The following CGN variants were observed in gnomAD, a reference collection of about 807,000 sequenced individuals.
CGN encodes cingulin.
In CGN, 121 loss-of-function variants were observed where a neutral mutation model predicts 157.1. That is an observed-to-expected ratio of 0.77 (90% CI 0.66 to 0.90). The LOEUF (loss-of-function observed/expected upper bound fraction) is 0.90. Ranked by LOEUF, CGN falls within the 40% of genes least tolerant of loss-of-function variation. The pLI is 0.00. For missense variants in CGN, 1,424 were observed against 1,520.9 expected (o/e 0.94, Z 1.06); for synonymous variants, 535 against 607.5 (o/e 0.88, Z 1.76).
Position 151,515,941 on chromosome 1 carries a change from T to G in CGN, c.-14-2565T>G, listed in dbSNP as rs181633910. On this transcript the variant is annotated intron_variant, in intron 1 of 20. Coordinates refer to ENST00000271636, the MANE Select transcript of CGN (RefSeq NM_020770.3). ...CCTTTTAAGATGGGGTGATAAAAGTTTGGATGTGCTGTCTCCTCAGGGAGA... is the reference window on the plus strand; with the variant it reads ...CCTTTTAAGATGGGGTGATAAAAGTGTGGATGTGCTGTCTCCTCAGGGAGA... 8.0e-4 allele frequency among the ~76,000 whole-genome samples: 122 copies of G among 152,342 alleles called. 1 individual carries two copies. The highest frequency in any genetic ancestry group is 2.8e-3 in the African/African-American group (115 of 41,582).
chr1:151,513,951 C>T (rs956382448), intron 1 of CGN, among the ~76,000 whole-genome samples: 1 of 152,102 alleles, frequency 6.6e-6, no homozygotes, highest in Non-Finnish European at 1.5e-5. Flanking sequence ...AGGGCGCAGG[C>T]CCTGGACTCC....
In CGN at chr1:151,524,063, A is replaced by G. The variant is rs556820532; in HGVS notation, c.1269-163A>G. Among the ~76,000 whole-genome samples the G allele has an allele frequency of 5.3e-5, 8 of 152,348 alleles. No individual in the cohort carries two copies. The highest frequency in any genetic ancestry group is 3.4e-3 in the Middle Eastern group (1 of 294). ...TAAATACAACAGGGTAAGGCAGATC[A>G]GGAGGGCCAGGTTGTAGCGGGGCAG... On this transcript the variant is annotated intron_variant, in intron 6 of 20. Coordinates refer to ENST00000271636, the MANE Select transcript of CGN (RefSeq NM_020770.3). The surrounding 1 kb of genome is among the most constrained non-coding windows in gnomAD (Gnocchi z 4.4).
Position 151,535,887 on chromosome 1 carries a change from G to A in CGN, c.3186G>A (p.Gln1062=). ...ATCAGTTGTTGCAGGAGCGGCTACA[G>A]GCTGAAGAGAGGTGACATAAGCCTA... ...SQNQLLQERL[Q]AEEREKTVLQ... Residue 1062 remains glutamine (Q), a synonymous_variant, in exon 18 of 21, where the codon CAG becomes CAA. Coordinates refer to ENST00000271636, the MANE Select transcript of CGN (RefSeq NM_020770.3). 1.2e-6 allele frequency: 2 copies of A among 1,612,240 alleles called. No homozygotes were observed. The highest frequency in any genetic ancestry group is 2.2e-5 in the South Asian group (2 of 90,982).
chr1:151,529,631 G>A (rs1196956751), intron 11 of CGN, 72 bp downstream of exon 11: 6 of 1,374,218 alleles, frequency 4.4e-6, no homozygotes, highest in Admixed American at 4.0e-5. Flanking sequence ...GCCAGAGGGT[G>A]TGGAAAGTTA....
chr1:151,520,271 G>C lies in CGN; in HGVS notation c.974+5G>C. 1 of 1,611,644 alleles carries C rather than the reference G, an allele frequency of 6.2e-7. No individual in the cohort carries two copies. Among genetic ancestry groups the C allele is most frequent in the Non-Finnish European group, 8.5e-7 (1 of 1,178,418 alleles). On this transcript the variant is annotated splice_donor_5th_base_variant and intron_variant, in intron 3 of 20. Coordinates refer to ENST00000271636, the MANE Select transcript of CGN (RefSeq NM_020770.3). ...CTATGGCATCCTGAGGGAGGGGTGA[G>C]TGGGGGCCCCCCCAACAACAGAGGC... is the stretch of plus-strand genomic sequence containing the variant.
intron 2 of CGN, 128 bp downstream of exon 2, chr1:151,519,520 C>A: frequency 1.2e-6 from 1 of 805,742 alleles, no homozygotes. Flanking sequence ...GCCTTTTGTT[C>A]TCTACTGTAT....
At position 151,524,107 on chromosome 1, in the gene CGN, G is replaced by T; in HGVS notation, c.1269-119G>T. 3 of 973,314 alleles carry T rather than the reference G, an allele frequency of 3.1e-6. No individual in the cohort carries two copies. The highest frequency in any genetic ancestry group is 4.5e-6 in the Non-Finnish European group (3 of 662,084). The allele number at this position is 973,314 out of a possible 1,614,324, so 60.3% of individuals were successfully genotyped here. On this transcript the variant is annotated intron_variant, in intron 6 of 20. Coordinates refer to ENST00000271636, the MANE Select transcript of CGN (RefSeq NM_020770.3). This position sits in a 1 kb window ranked among gnomAD's most constrained non-coding sequence, Gnocchi z 4.4. Reference sequence around the variant, plus strand: ...GGGGCAGGTTGCAAAAATCAGGGGAGGCCTCATCAAGATTTGAAGGAAGGA... The same window carrying T: ...GGGGCAGGTTGCAAAAATCAGGGGATGCCTCATCAAGATTTGAAGGAAGGA...
Position 151,517,158 on chromosome 1 carries a change from C to CA in CGN, c.-14-1340dup, listed in dbSNP as rs1240231519. Reference sequence around the variant, plus strand: ...GGGCAACAAGAGCAAAACTCTGTCTCAAAAAAAACACAACCTTTTCTTGAA... The same window carrying CA: ...GGGCAACAAGAGCAAAACTCTGTCTCAAAAAAAAACACAACCTTTTCTTGAA... On this transcript the variant is annotated intron_variant, in intron 1 of 20. Coordinates refer to ENST00000271636, the MANE Select transcript of CGN (RefSeq NM_020770.3). Among the ~76,000 whole-genome samples, 12 of 151,348 alleles carry CA rather than the reference C, an allele frequency of 7.9e-5. 1 individual carries two copies. Among genetic ancestry groups the CA allele is most frequent in the South Asian group, 4.2e-4 (2 of 4,768 alleles).
In CGN at chr1:151,537,478, G is replaced by T. The variant is rs572037310; in HGVS notation, c.*132G>T. On this transcript the variant is annotated 3_prime_UTR_variant, in exon 21 of 21. Coordinates refer to ENST00000271636, the MANE Select transcript of CGN (RefSeq NM_020770.3). ...TCAGACCTAAGACAGGGAGGGGTCA[G>T]AGTGATGGTGATAAAAAAAAAAAAT... The T allele has an allele frequency of 4.6e-5, 29 of 631,848 alleles. No individual in the cohort carries two copies. The South Asian group carries it at 7.4e-4, about 16-fold the overall frequency. The allele number at this position is 631,848 out of a possible 1,614,324, so 39.1% of individuals were successfully genotyped here. A position where few individuals can be genotyped will look rare whatever the true frequency, so the allele number is the denominator to read the frequency against.
Position 151,511,466 on chromosome 1 carries a change from GCCCGAGCCCGA to G in CGN, c.-63_-53del, listed in dbSNP as rs1664290642. On this transcript the variant is annotated 5_prime_UTR_variant, in exon 1 of 21. Transcript: ENST00000271636. This position sits in a 1 kb window ranked among gnomAD's most constrained non-coding sequence, Gnocchi z 4.8. ...AGCCCGAGCCCGAGCCCGAGCCCGA[GCCCGAGCCCGA>G]GCCCGAACGCAAGCCTGGGAGCGCG... is the stretch of plus-strand genomic sequence containing the variant. 1 of 188,158 alleles carries G rather than the reference GCCCGAGCCCGA, an allele frequency of 5.3e-6. No homozygotes were observed. The allele number at this position is 188,158 out of a possible 1,614,324, so 11.7% of individuals were successfully genotyped here. A position where few individuals can be genotyped will look rare whatever the true frequency, so the allele number is the denominator to read the frequency against.
rs745883888 is a variant in CGN at position 151,531,619 on chromosome 1, C to T, written c.2572-783C>T. Among the ~76,000 whole-genome samples, 47 of 151,462 alleles carry T rather than the reference C, an allele frequency of 3.1e-4. No individual in the cohort carries two copies. The Middle Eastern group carries it at 0.01, about 33-fold the overall frequency. Reference sequence around the variant, plus strand: ...GCAGTGAGCTGTGACTGCCCCACTGCGCTACAGCAAGAGCCTGTCAAAAAA... The same window carrying T: ...GCAGTGAGCTGTGACTGCCCCACTGTGCTACAGCAAGAGCCTGTCAAAAAA... On this transcript the variant is annotated intron_variant, in intron 13 of 20. Coordinates refer to ENST00000271636, the MANE Select transcript of CGN (RefSeq NM_020770.3).
intron 14 of CGN, among the ~76,000 whole-genome samples, chr1:151,533,225 C>A (rs1391739252): frequency 1.3e-5 from 2 of 152,246 alleles, no homozygotes; most frequent in African/African-American, 4.8e-5. Context: ...CGCCTGTAAT[C>A]CCAGCACGTT....
At chr1:151,536,643 T>G in intron 19 of CGN, 87 bp from the exon 20 acceptor site, 9 of 1,411,198 alleles carry the variant, frequency 6.4e-6, no homozygotes, top group Non-Finnish European at 8.8e-6. Flanking sequence ...CAGCGGCAAT[T>G]ATACCTTGTC....
chr1:151,521,011 A>G (rs1571658772), intron 5 of CGN, among the ~76,000 whole-genome samples: 1 of 152,180 alleles, frequency 6.6e-6, no homozygotes, highest in South Asian at 2.1e-4. Context: ...TTTTATCATT[A>G]TCATAATAAT....
Position 151,535,116 on chromosome 1 carries a change from T to C in CGN, c.2979T>C (p.Asn993=). 1.2e-6 allele frequency: 2 copies of C among 1,613,950 alleles called. No homozygotes were observed. The highest frequency in any genetic ancestry group is 3.3e-5 in the Admixed American group (2 of 60,010). The change falls in exon 16 of 21, where the codon AAT becomes AAC. Residue 993 remains asparagine (N), a synonymous_variant. Coordinates refer to ENST00000271636, the MANE Select transcript of CGN (RefSeq NM_020770.3). ...NTVELLTDRV[N]RGRDQVDQLR... ...TGGAGCTGCTAACAGATCGGGTGAA[T>C]CGTGGCCGGGACCAGGTAACCGCCC...
rs1192044892 is a variant in CGN, at chr1:151,520,175, A to T, written c.883A>T (p.Thr295Ser). ...TCTTTTTTTTTAACAGTTCAAATCA[A>T]CTCCAGACCTCCTTCGAGACCAGCA... ...QDPTMLQFKS[T>S]PDLLRDQQEA... The change falls in exon 3 of 21, where the codon ACT (threonine) becomes TCT (serine). Residue 295 changes from threonine to serine, a missense_variant. This residue lies in a region of CGN where 1,187 missense variants were observed against 1,217.6 expected (regional missense o/e 0.97). Transcript: ENST00000271636. 18 of 1,604,648 alleles carry T rather than the reference A, an allele frequency of 1.1e-5. No individual in the cohort carries two copies. The highest frequency in any genetic ancestry group is 1.5e-5 in the Non-Finnish European group (18 of 1,177,160).
At chr1:151,536,947 A>G in intron 20 of CGN, 54 bp downstream of exon 20, 2 of 1,567,558 alleles carry the variant, frequency 1.3e-6, no homozygotes, top group South Asian at 2.3e-5. Context: ...CAGGGAGGGA[A>G]TGGTCTCTCC....
At position 151,524,623 on chromosome 1, in the gene CGN, A is replaced by G; in HGVS notation, c.1402-51A>G. On this transcript the variant is annotated intron_variant, in intron 7 of 20. Coordinates refer to ENST00000271636, the MANE Select transcript of CGN (RefSeq NM_020770.3). This position sits in a 1 kb window ranked among gnomAD's most constrained non-coding sequence, Gnocchi z 4.4. ...TTTTTGACTCAGTGAATTGATAAAC[A>G]GATGGATTCTAATATGGTCACCCCT... 6.8e-7 allele frequency: 1 copy of G among 1,475,744 alleles called. No homozygotes were observed. Among genetic ancestry groups the G allele is most frequent in the Non-Finnish European group, 9.3e-7 (1 of 1,080,656 alleles). The allele number at this position is 1,475,744 out of a possible 1,614,324, so 91.4% of individuals were successfully genotyped here. A position where few individuals can be genotyped will look rare whatever the true frequency, so the allele number is the denominator to read the frequency against.
At chr1:151,525,281 C>T (rs1664645780) in intron 8 of CGN, among the ~76,000 whole-genome samples, 1 of 152,088 alleles carries the variant, frequency 6.6e-6, no homozygotes, top group African/African-American at 2.4e-5. Flanking sequence ...TACTTGTAGT[C>T]CTAGCTACTT....
Sources: gnomAD v4.1 joint callset for allele counts (sites outside exome capture counted in the v4.1 genomes callset) on GRCh38, gnomAD v4.1.1 for gene constraint, gnomAD v4.1.1 regional missense constraint, Gnocchi (gnomAD v3.1) non-coding constraint, MANE v1.5 for transcripts, NCBI Gene and HGNC (gene_info 2026-07-23, HGNC 2026-07-21) for gene names.